Variants in SPOCK3 observed in about 807,000 individuals in gnomAD.
The protein encoded by SPOCK3 is SPARC (osteonectin), cwcv and kazal like domains proteoglycan 3.
SPOCK3 carries 30 observed loss-of-function variants against 56.6 expected under a neutral mutation model. That is an observed-to-expected ratio of 0.53 (90% CI 0.40 to 0.72). The LOEUF (loss-of-function observed/expected upper bound fraction) is 0.72. SPOCK3 is among the 30% of genes least tolerant of loss of function. The pLI, the probability that SPOCK3 is intolerant of heterozygous loss-of-function variation, is 0.00. For missense variants in SPOCK3, 527 were observed against 530.0 expected (o/e 0.99, Z 0.06); for synonymous variants, 196 against 183.3 (o/e 1.07, Z -0.56).
chr4:167,204,980 C>T (rs1733889832), intron 2 of SPOCK3, among the ~76,000 whole-genome samples: 1 of 147,640 alleles, frequency 6.8e-6, no homozygotes, highest in East Asian at 2.0e-4. Flanking sequence ...TGTTGGGGGT[C>T]GTGCACAGTA....
intron 4 of SPOCK3, among the ~76,000 whole-genome samples, chr4:166,989,384 ATTTATATTCTGT>A (rs1430058196): frequency 2.0e-5 from 3 of 152,068 alleles, no homozygotes; most frequent in Non-Finnish European, 4.4e-5. Context: ...AATTAATATA[ATTTATATTCTGT>A]TTTATATAAG....
rs1240050831 is a variant in SPOCK3 at position 167,234,083 on chromosome 4, C to G, written c.91G>C (p.Gly31Arg). Residue 31 changes from glycine to arginine, a missense_variant, in exon 2 of 11, where the codon GGG (glycine) becomes CGG (arginine). Transcript: ENST00000357545. The part of the protein sequence containing the change: ...AAAAAVAAAG[G>R]RSDGGNFLDD... ...AGAAAATTACCGCCGTCCGACCGCC[C>G]CCCGGCTGCAGCCACCGCCGCGGCA... The G allele has an allele frequency of 6.2e-7, 1 of 1,613,796 alleles. No homozygotes were observed. The highest frequency in any genetic ancestry group is 8.5e-7 in the Non-Finnish European group (1 of 1,180,006).
At chr4:167,068,693 T>C (rs965859922) in intron 2 of SPOCK3, among the ~76,000 whole-genome samples, 3 of 151,850 alleles carry the variant, frequency 2.0e-5, no homozygotes, top group African/African-American at 4.8e-5. Context: ...CATATCAGAC[T>C]TATGATTTTA....
At chr4:166,778,344 A>G (rs1739794096) in intron 7 of SPOCK3, among the ~76,000 whole-genome samples, 1 of 152,202 alleles carries the variant, frequency 6.6e-6, no homozygotes, top group Non-Finnish European at 1.5e-5. Context: ...AAGTAAATCA[A>G]TAGCATAGCT....
intron 3 of SPOCK3, among the ~76,000 whole-genome samples, chr4:167,040,978 G>T (rs945066274): frequency 1.3e-5 from 2 of 152,128 alleles, no homozygotes; most frequent in African/African-American, 4.8e-5. Context: ...TTCTCATGAG[G>T]TCTCACTCGA....
Position 167,096,542 on chromosome 4 carries a change from T to C in SPOCK3, c.190-34005A>G, listed in dbSNP as rs952000321. Among the ~76,000 whole-genome samples, 6 of 151,982 alleles carry C rather than the reference T, an allele frequency of 3.9e-5. No individual in the cohort carries two copies. In the East Asian group the frequency reaches 1.2e-3, roughly 29 times the overall value. On this transcript the variant is annotated intron_variant, in intron 2 of 10. Coordinates refer to ENST00000357545, the MANE Select transcript of SPOCK3 (RefSeq NM_001040159.2). Reference sequence around the variant, plus strand: ...TGTGATTTAGAAGTGTGTTCTTTAGTCCCTCAATATTTGGGGATTTTTCCA... The same window carrying C: ...TGTGATTTAGAAGTGTGTTCTTTAGCCCCTCAATATTTGGGGATTTTTCCA...
intron 3 of SPOCK3, among the ~76,000 whole-genome samples, chr4:167,041,228 C>T (rs2150201166): frequency 6.6e-6 from 1 of 152,210 alleles, no homozygotes. Flanking sequence ...AACATGGCAA[C>T]AGAATAAAAG....
At chr4:167,091,405 T>C (rs1758688337) in intron 2 of SPOCK3, among the ~76,000 whole-genome samples, 1 of 152,204 alleles carries the variant, frequency 6.6e-6, no homozygotes, top group South Asian at 2.1e-4. Flanking sequence ...TTATTAATTA[T>C]GTGACAAAGT....
At chr4:166,935,806 C>G (rs1354246246) in intron 4 of SPOCK3, among the ~76,000 whole-genome samples, 1 of 152,034 alleles carries the variant, frequency 6.6e-6, no homozygotes, top group Non-Finnish European at 1.5e-5. Context: ...GTGGTCTAAA[C>G]AAAAGTGATA....
intron 6 of SPOCK3, among the ~76,000 whole-genome samples, chr4:166,836,061 T>C (rs768073152): frequency 1.3e-5 from 2 of 152,166 alleles, no homozygotes; most frequent in African/African-American, 2.4e-5. Context: ...TGAGATGCCT[T>C]TAAAAAAGTG....
chr4:167,066,197 C>A (rs1449429354), intron 2 of SPOCK3, among the ~76,000 whole-genome samples: 2 of 151,754 alleles, frequency 1.3e-5, no homozygotes, highest in African/African-American at 4.8e-5. Flanking sequence ...CTTTATTGAG[C>A]ACACCTATGT....
intron 3 of SPOCK3, among the ~76,000 whole-genome samples, chr4:167,049,865 C>A (rs1325109076): frequency 6.6e-6 from 1 of 152,078 alleles, no homozygotes; most frequent in Non-Finnish European, 1.5e-5. Context: ...CCATTCCCAC[C>A]ATGTCTTCTC....
At chr4:166,854,011 C>G (rs1730406538) in intron 6 of SPOCK3, among the ~76,000 whole-genome samples, 1 of 152,104 alleles carries the variant, frequency 6.6e-6, no homozygotes, top group Admixed American at 6.5e-5. Flanking sequence ...TTAGTTTGAG[C>G]AATATGAAAT....
At chr4:167,216,964 CTAAAA>C (rs1183217470) in intron 2 of SPOCK3, among the ~76,000 whole-genome samples, 2 of 151,752 alleles carry the variant, frequency 1.3e-5, no homozygotes, top group Non-Finnish European at 2.9e-5. Flanking sequence ...CAGAGAAATC[CTAAAA>C]TAAATATAAA....
chr4:166,799,379 A>G (rs548277671), intron 6 of SPOCK3, among the ~76,000 whole-genome samples: 1 of 152,242 alleles, frequency 6.6e-6, no homozygotes, highest in African/African-American at 2.4e-5. Flanking sequence ...CATCCAACCA[A>G]TGGATCAAGG....
chr4:166,934,333 C>CAA (rs34556103), intron 4 of SPOCK3, among the ~76,000 whole-genome samples: 75,166 of 140,134 alleles, frequency 0.54, 23,112 homozygotes, highest in East Asian at 0.77. Context: ...ACTAAAAATA[C>CAA]AAAAAAAAAA....
At chr4:167,189,738 T>G (rs1732317398) in intron 2 of SPOCK3, among the ~76,000 whole-genome samples, 1 of 145,738 alleles carries the variant, frequency 6.9e-6, no homozygotes, top group African/African-American at 2.6e-5. Context: ...CAGAACTTTT[T>G]CATCTCATAA....
chr4:166,874,124 C>T (rs545138055), intron 6 of SPOCK3, among the ~76,000 whole-genome samples: 1 of 152,008 alleles, frequency 6.6e-6, no homozygotes, highest in African/African-American at 2.4e-5. Context: ...TAATGTCTTT[C>T]TCTGGGGTAG....
intron 4 of SPOCK3, among the ~76,000 whole-genome samples, chr4:166,994,460 C>A (rs962529059): frequency 1.3e-5 from 2 of 152,008 alleles, no homozygotes; most frequent in African/African-American, 4.8e-5. Context: ...ACATTCTGGG[C>A]TCTCTACAGA....
Sources: gnomAD v4.1 joint callset for allele counts (sites outside exome capture counted in the v4.1 genomes callset) on GRCh38, gnomAD v4.1.1 for gene constraint, MANE v1.5 for transcripts, NCBI Gene and HGNC (gene_info 2026-07-23, HGNC 2026-07-21) for gene names.